Variants in ABCB1 observed in about 807,000 individuals in gnomAD.
The protein encoded by ABCB1 is ATP binding cassette subfamily B member 1.
In ABCB1, 69 loss-of-function variants were observed where a neutral mutation model predicts 142.0. The ratio of observed to expected loss-of-function variants is 0.49; its 90% CI spans 0.40 to 0.59. ABCB1 has a LOEUF of 0.59. Ranked by LOEUF, ABCB1 falls within the 20% of genes least tolerant of loss-of-function variation. The pLI, the probability that ABCB1 is intolerant of heterozygous loss-of-function variation, is 0.00. For missense variants in ABCB1, 1,326 were observed against 1,554.7 expected (o/e 0.85, Z 2.47); for synonymous variants, 532 against 539.2 (o/e 0.99, Z 0.18).
rs370233656 is a variant in ABCB1, at chr7:87,518,729, A to G, written c.2927+597T>C. Among the ~76,000 whole-genome samples, 6 of 152,204 alleles carry G rather than the reference A, an allele frequency of 3.9e-5. No individual in the cohort carries two copies. In the East Asian group the frequency reaches 1.2e-3, roughly 29 times the overall value. ...AGAAAGATTACACATACTTTTGACC[A>G]CCAAATTGCATATTTGGGTACTTTT... On this transcript the variant is annotated intron_variant, in intron 23 of 27. Transcript: ENST00000622132.
At chr7:87,589,125 C>T (rs769635414) in intron 3 of ABCB1, among the ~76,000 whole-genome samples, 1 of 152,076 alleles carries the variant, frequency 6.6e-6, no homozygotes, top group African/African-American at 2.4e-5. Flanking sequence ...TAACATAATG[C>T]TGAGTAGGAC....
chr7:87,539,867 A>G (rs949787059), intron 18 of ABCB1, among the ~76,000 whole-genome samples: 3 of 152,164 alleles, frequency 2.0e-5, no homozygotes, highest in Admixed American at 6.5e-5. Flanking sequence ...TGCTTCACCA[A>G]TTCAAATCGT....
At chr7:87,592,232 A>G (rs1819028337) in intron 3 of ABCB1, among the ~76,000 whole-genome samples, 1 of 152,210 alleles carries the variant, frequency 6.6e-6, no homozygotes, top group South Asian at 2.1e-4. Context: ...TGGAAGATAC[A>G]GAAGAGAATG....
At chr7:87,643,931 T>G (rs1328256724) in intron 1 of ABCB1, among the ~76,000 whole-genome samples, 1 of 151,978 alleles carries the variant, frequency 6.6e-6, no homozygotes, top group East Asian at 1.9e-4. Flanking sequence ...CCATCTCGGC[T>G]CACTGCAACC....
intron 3 of ABCB1, among the ~76,000 whole-genome samples, chr7:87,593,820 A>G (rs978271527): frequency 1.3e-5 from 2 of 152,170 alleles, no homozygotes; most frequent in Admixed American, 1.3e-4. Context: ...CCATTAGGAG[A>G]GAACTCTAGG....
chr7:87,550,663 A>T, intron 10 of ABCB1, 62 bp downstream of exon 10: 1 of 1,564,470 alleles, frequency 6.4e-7, no homozygotes, highest in Non-Finnish European at 8.8e-7. Flanking sequence ...TAAAGTGACA[A>T]AGAAATTGAC....
rs1296251129 is a variant in ABCB1, at chr7:87,541,464, C to T, written c.2212G>A (p.Val738Ile). The T allele has an allele frequency of 6.3e-7, 1 of 1,586,496 alleles. No individual in the cohort carries two copies. ...TCAGGATCATCAATTCTTGTAAAAA[C>T]CTGTGAGAAAACATTTAAAGGATTT... ...FAIIFSKIIGVFTRIDDPETK... is the reference protein window; with the variant it reads ...FAIIFSKIIGIFTRIDDPETK... Residue 738 changes from valine (V) to isoleucine (I), a missense_variant and splice_region_variant, in exon 18 of 28, where the codon GTT (valine) becomes ATT (isoleucine). Physicochemically the swap from Val to Ile is conservative, Grantham distance 29 (BLOSUM62 3). Coordinates refer to ENST00000622132, the MANE Select transcript of ABCB1 (RefSeq NM_001348946.2).
intron 1 of ABCB1, among the ~76,000 whole-genome samples, chr7:87,607,569 T>A (rs529237570): frequency 3.9e-5 from 6 of 152,218 alleles, no homozygotes; most frequent in Non-Finnish European, 8.8e-5. Context: ...TGTGTGTGTG[T>A]GAGACAGGGT....
intron 17 of ABCB1, 52 bp from the exon 18 acceptor site, chr7:87,541,516 C>T: frequency 1.6e-6 from 2 of 1,232,756 alleles, no homozygotes; most frequent in Non-Finnish European, 2.4e-6. Context: ...AGAACCCATC[C>T]TGGACCTGAC....
chr7:87,622,614 C>T (rs1408984538), intron 1 of ABCB1, among the ~76,000 whole-genome samples: 3 of 152,172 alleles, frequency 2.0e-5, no homozygotes, highest in Non-Finnish European at 2.9e-5. Flanking sequence ...ATGAGTGATA[C>T]AGTTGGTCAG....
intron 1 of ABCB1, among the ~76,000 whole-genome samples, chr7:87,640,067 C>G (rs1319880172): frequency 6.7e-6 from 1 of 150,100 alleles, no homozygotes; most frequent in African/African-American, 2.4e-5. Flanking sequence ...ATATATATTT[C>G]TATTCTTTTG....
intron 4 of ABCB1, among the ~76,000 whole-genome samples, chr7:87,583,547 T>TG (rs1276518427): frequency 6.6e-6 from 1 of 152,184 alleles, no homozygotes; most frequent in Admixed American, 6.6e-5. Flanking sequence ...TCTATGAAGA[T>TG]GGAAATCTAA....
chr7:87,509,733 C>T (rs78955225), intron 25 of ABCB1, among the ~76,000 whole-genome samples: 5 of 152,220 alleles, frequency 3.3e-5, no homozygotes, highest in African/African-American at 9.7e-5. Flanking sequence ...AATGTTCCCT[C>T]TCCCACAAGA....
chr7:87,538,527 T>G (rs1816391773), intron 19 of ABCB1, among the ~76,000 whole-genome samples: 1 of 152,132 alleles, frequency 6.6e-6, no homozygotes, highest in Non-Finnish European at 1.5e-5. Flanking sequence ...CTGGCACATC[T>G]GGGGCAGACT....
intron 1 of ABCB1, among the ~76,000 whole-genome samples, chr7:87,633,840 A>G (rs1461079235): frequency 6.6e-6 from 1 of 152,206 alleles, no homozygotes; most frequent in Non-Finnish European, 1.5e-5. Context: ...TAATGACAGT[A>G]TAATCTGTCT....
chr7:87,610,193 A>G (rs1403822972), intron 1 of ABCB1, among the ~76,000 whole-genome samples: 9 of 148,242 alleles, frequency 6.1e-5, no homozygotes, highest in Admixed American at 1.3e-4. Context: ...GCAACAAGTC[A>G]TACTGCAGTG....
At chr7:87,552,151 G>A (rs1407057776) in intron 9 of ABCB1, among the ~76,000 whole-genome samples, 3 of 152,174 alleles carry the variant, frequency 2.0e-5, no homozygotes, top group Admixed American at 6.5e-5. Context: ...CCACAAGGCC[G>A]TGTTCTCTTT....
chr7:87,661,563 C>T (rs1235800568), intron 1 of ABCB1, among the ~76,000 whole-genome samples: 1 of 151,706 alleles, frequency 6.6e-6, no homozygotes, highest in Non-Finnish European at 1.5e-5. Context: ...ACATAATGTC[C>T]TCCAGTTCCA....
intron 1 of ABCB1, among the ~76,000 whole-genome samples, chr7:87,708,525 C>A (rs566187727): frequency 4.1e-4 from 62 of 152,072 alleles, no homozygotes; most frequent in Non-Finnish European, 7.1e-4. Context: ...ATTGCAAGCC[C>A]ATTTTTAAAT....
Sources: allele counts gnomAD v4.1 joint callset (sites outside exome capture counted in the v4.1 genomes callset), GRCh38; gene constraint gnomAD v4.1.1; transcripts MANE v1.5; gene names NCBI Gene and HGNC (gene_info 2026-07-23, HGNC 2026-07-21).